The following RGS6 variants were observed in gnomAD, a reference collection of about 807,000 sequenced individuals.
The protein encoded by RGS6 is regulator of G-protein signaling 6.
RGS6 carries 30 observed loss-of-function variants against 78.5 expected under a neutral mutation model. The ratio of observed to expected loss-of-function variants is 0.38; its 90% CI spans 0.29 to 0.52. The LOEUF (loss-of-function observed/expected upper bound fraction) is 0.52. Ranked by LOEUF, RGS6 falls within the 20% of genes least tolerant of loss-of-function variation. RGS6 has a pLI of 0.85. For synonymous variants in RGS6, 206 were observed against 206.0 expected, an observed-to-expected ratio of 1.00 and a Z score of 0.00; for missense variants, 495 against 609.7, an observed-to-expected ratio of 0.81 and a Z score of 1.98.
At chr14:72,128,340 G>A (rs923562206) in intron 2 of RGS6, among the ~76,000 whole-genome samples, 5 of 152,076 alleles carry the variant, frequency 3.3e-5, no homozygotes, top group African/African-American at 1.2e-4. Flanking sequence ...ATTCTCTTTT[G>A]ATTAAATAAT....
Position 72,566,232 on chromosome 14 carries a change from C to A in RGS6, c.*3765C>A, listed in dbSNP as rs945065704. The A allele has an allele frequency of 4.6e-5, 7 of 152,124 alleles. No individual in the cohort carries two copies. Among genetic ancestry groups the A allele is most frequent in the Non-Finnish European group, 8.8e-5 (6 of 68,028 alleles). The allele number at this position is 152,124 out of a possible 1,614,324, so 9.4% of individuals were successfully genotyped here. ...AGTAGCAAATGTAGCAATAAAGGGC[C>A]CGGGTCTATACGGGGACAGGGTCCA... On this transcript the variant is annotated 3_prime_UTR_variant, in exon 18 of 18. Coordinates refer to ENST00000553525, the MANE Select transcript of RGS6 (RefSeq NM_001204424.2).
chr14:72,276,868 GAAAA>G (rs373181749), intron 2 of RGS6, among the ~76,000 whole-genome samples: 1 of 143,572 alleles, frequency 7.0e-6, no homozygotes, highest in Non-Finnish European at 1.5e-5. Flanking sequence ...ATACAATATT[GAAAA>G]AAAAAAAGTT....
intron 2 of RGS6, among the ~76,000 whole-genome samples, chr14:72,184,100 C>T (rs1457400617): frequency 6.6e-6 from 1 of 152,094 alleles, no homozygotes; most frequent in African/African-American, 2.4e-5. Context: ...TGTCCCTACA[C>T]CTTGCCTCTA....
chr14:72,256,664 C>T (rs767580343), intron 2 of RGS6, among the ~76,000 whole-genome samples: 2 of 152,174 alleles, frequency 1.3e-5, no homozygotes, highest in African/African-American at 2.4e-5. Flanking sequence ...ATCATCCTTG[C>T]TTTAAAATTA....
intron 15 of RGS6, among the ~76,000 whole-genome samples, chr14:72,522,917 A>T (rs1346767072): frequency 6.6e-6 from 1 of 152,210 alleles, no homozygotes; most frequent in Non-Finnish European, 1.5e-5. Flanking sequence ...GGGGAGAGTA[A>T]GTTAGAGGAG....
intron 2 of RGS6, among the ~76,000 whole-genome samples, chr14:72,016,209 TTTTTGTGTATATG>T (rs1447293351): frequency 6.6e-6 from 1 of 152,234 alleles, no homozygotes; most frequent in Non-Finnish European, 1.5e-5. Context: ...TTAGAATTGA[TTTTTGTGTATATG>T]TAACATTGGA....
At chr14:71,917,775 TA>T in the RGS6 span, among the ~76,000 whole-genome samples, 1 of 152,196 alleles carries the variant, frequency 6.6e-6, no homozygotes, top group Non-Finnish European at 1.5e-5. Context: ...CCTGATCATT[TA>T]ATGATTCTCC....
At chr14:71,870,106 G>T in the RGS6 span, among the ~76,000 whole-genome samples, 20 of 152,288 alleles carry the variant, frequency 1.3e-4, no homozygotes, top group East Asian at 3.5e-3. Flanking sequence ...CCAGGCCAAG[G>T]TCTTTTGGGC....
At chr14:72,255,684 G>A (rs558836027) in intron 2 of RGS6, among the ~76,000 whole-genome samples, 23 of 152,254 alleles carry the variant, frequency 1.5e-4, no homozygotes, top group Admixed American at 3.9e-4. Context: ...CAAAGAGGCT[G>A]ATTTTCTATT....
intron 8 of RGS6, among the ~76,000 whole-genome samples, chr14:72,472,129 G>A (rs1323827568): frequency 6.7e-6 from 1 of 149,370 alleles, no homozygotes; most frequent in Admixed American, 6.7e-5. Flanking sequence ...AATCTGAGTT[G>A]CTTTTTACTT....
At chr14:72,184,539 A>T (rs1329654281) in intron 2 of RGS6, among the ~76,000 whole-genome samples, 1 of 152,210 alleles carries the variant, frequency 6.6e-6, no homozygotes, top group Non-Finnish European at 1.5e-5. Context: ...AATACATATT[A>T]TACTCATTAT....
At chr14:72,179,291 T>C (rs2097144377) in intron 2 of RGS6, among the ~76,000 whole-genome samples, 1 of 152,184 alleles carries the variant, frequency 6.6e-6, no homozygotes, top group Non-Finnish European at 1.5e-5. Flanking sequence ...TGGGGCATGC[T>C]GGGATTCCTA....
At chr14:72,171,042 G>A (rs919192729) in intron 2 of RGS6, among the ~76,000 whole-genome samples, 6 of 151,958 alleles carry the variant, frequency 3.9e-5, no homozygotes, top group East Asian at 3.9e-4. Flanking sequence ...TTTGCTTATC[G>A]GTTTAAATTG....
chr14:72,408,093 T>A (rs988355023), intron 3 of RGS6, among the ~76,000 whole-genome samples: 1 of 152,232 alleles, frequency 6.6e-6, no homozygotes, highest in Non-Finnish European at 1.5e-5. Flanking sequence ...AACCGACTCA[T>A]GCTTGTTTAT....
chr14:72,160,404 C>T (rs202163658), intron 2 of RGS6, among the ~76,000 whole-genome samples: 2 of 152,088 alleles, frequency 1.3e-5, no homozygotes, highest in Non-Finnish European at 2.9e-5. Context: ...TGATCTTTGT[C>T]GTTTAATTGC....
chr14:72,441,475 G>C (rs957350510), intron 3 of RGS6, among the ~76,000 whole-genome samples: 2 of 152,208 alleles, frequency 1.3e-5, no homozygotes, highest in Non-Finnish European at 2.9e-5. Context: ...GCACCACCAG[G>C]GCAGTGCAGC....
intron 2 of RGS6, among the ~76,000 whole-genome samples, chr14:72,137,410 G>C (rs990240616): frequency 1.3e-5 from 2 of 152,194 alleles, no homozygotes; most frequent in Non-Finnish European, 2.9e-5. Flanking sequence ...TTCTAACACT[G>C]TCTACCTGGA....
chr14:72,550,150 A>G lies in RGS6; in HGVS notation c.1422+10056A>G, dbSNP rs1005368409. Among the ~76,000 whole-genome samples the G allele has an allele frequency of 2.0e-5, 3 of 152,122 alleles. No individual in the cohort carries two copies. In the East Asian group the frequency reaches 5.8e-4, roughly 29 times the overall value. On this transcript the variant is annotated intron_variant, in intron 17 of 17. Transcript: ENST00000553525. Reference sequence around the variant, plus strand: ...TTTTCCTCTCCATCTTTTGCTTTCAAATTCTTTGAGGCCTCTCATTAAACA... The same window carrying G: ...TTTTCCTCTCCATCTTTTGCTTTCAGATTCTTTGAGGCCTCTCATTAAACA...
chr14:71,982,860 G>T lies in RGS6; in HGVS notation c.84+17985G>T, dbSNP rs184962800. Among the ~76,000 whole-genome samples, 25 of 152,166 alleles carry T rather than the reference G, an allele frequency of 1.6e-4. 1 individual carries two copies. In the East Asian group the frequency reaches 2.5e-3, roughly 15 times the overall value. Reference sequence around the variant, plus strand: ...CATTTCCAGTTGCTCTCATCAGGAGGGTGTTTCTGAAACATCTAGTTAGCC... The same window carrying T: ...CATTTCCAGTTGCTCTCATCAGGAGTGTGTTTCTGAAACATCTAGTTAGCC... On this transcript the variant is annotated intron_variant, in intron 2 of 17. Coordinates refer to ENST00000553525, the MANE Select transcript of RGS6 (RefSeq NM_001204424.2).
Sources: allele counts gnomAD v4.1 joint callset (sites outside exome capture counted in the v4.1 genomes callset), GRCh38; gene constraint gnomAD v4.1.1; transcripts MANE v1.5; gene names NCBI Gene and HGNC (gene_info 2026-07-23, HGNC 2026-07-21).